The following DCLK1 variants were observed in gnomAD, a reference collection of about 807,000 sequenced individuals.
DCLK1 encodes the protein serine/threonine-protein kinase DCLK1.
Under a neutral mutation model 86.2 loss-of-function variants are expected in DCLK1, and 16 were observed. The observed-to-expected ratio is 0.19, with a 90% CI of 0.13 to 0.28. DCLK1 has a LOEUF of 0.28. Ranked by LOEUF, DCLK1 falls within the 10% of genes least tolerant of loss-of-function variation. The pLI, the probability that DCLK1 is intolerant of heterozygous loss-of-function variation, is 1.00. For synonymous variants in DCLK1, 369 were observed against 370.5 expected, an observed-to-expected ratio of 1.00 and a Z score of 0.05; for missense variants, 590 against 940.2, an observed-to-expected ratio of 0.63 and a Z score of 4.87.
At chr13:35,989,038 C>T (rs922008600) in intron 3 of DCLK1, among the ~76,000 whole-genome samples, 5 of 152,038 alleles carry the variant, frequency 3.3e-5, no homozygotes, top group African/African-American at 1.2e-4. Flanking sequence ...TGTAAATTTT[C>T]AGCAAACAAT....
At chr13:36,078,983 C>T (rs544532546) in intron 3 of DCLK1, among the ~76,000 whole-genome samples, 2 of 152,226 alleles carry the variant, frequency 1.3e-5, no homozygotes, top group South Asian at 4.2e-4. Context: ...AGAAAAGGAG[C>T]TCTGCAGTCA....
At chr13:36,073,429 C>T (rs1174227187) in intron 3 of DCLK1, among the ~76,000 whole-genome samples, 1 of 151,830 alleles carries the variant, frequency 6.6e-6, no homozygotes, top group African/African-American at 2.4e-5. Context: ...CTAGAGATAA[C>T]GAATATGAGG....
intron 14 of DCLK1, among the ~76,000 whole-genome samples, chr13:35,807,379 T>C (rs1045626809): frequency 1.3e-5 from 2 of 152,228 alleles, no homozygotes; most frequent in African/African-American, 2.4e-5. Flanking sequence ...GAACCTTGTG[T>C]TTTCCTCCCC....
Position 35,947,489 on chromosome 13 carries a change from G to T in DCLK1, c.724-32C>A, listed in dbSNP as rs544350116. The T allele has an allele frequency of 2.5e-5, 40 of 1,578,558 alleles. No homozygotes were observed. In the South Asian group the frequency reaches 3.1e-4, roughly 12 times the overall value. ...GAGAAAAGCATGGCACTCAGCAAGG[G>T]TGGTAGAACAGCAATTACAACAATG... On this transcript the variant is annotated intron_variant, in intron 3 of 16. Coordinates refer to ENST00000360631, the MANE Select transcript of DCLK1 (RefSeq NM_001330071.2).
At chr13:35,808,851 T>A (rs2087085651) in intron 13 of DCLK1, among the ~76,000 whole-genome samples, 167 bp downstream of exon 13, 1 of 151,186 alleles carries the variant, frequency 6.6e-6, no homozygotes, top group African/African-American at 2.4e-5. Flanking sequence ...ATGGAAGGCA[T>A]ATAAATTAGC....
At chr13:35,825,230 T>A (rs1430507899) in intron 10 of DCLK1, among the ~76,000 whole-genome samples, 2 of 152,166 alleles carry the variant, frequency 1.3e-5, no homozygotes, top group Admixed American at 1.3e-4. Flanking sequence ...CATGTCTCAG[T>A]GGAAAAGTCC....
At chr13:35,918,419 T>C (rs1479917752) in intron 4 of DCLK1, among the ~76,000 whole-genome samples, 2 of 152,160 alleles carry the variant, frequency 1.3e-5, no homozygotes, top group Non-Finnish European at 2.9e-5. Context: ...TATGTGACCA[T>C]GGAGAGTGTT....
rs10675684 is a variant in DCLK1 at position 35,896,538 on chromosome 13, CAAAAAAAAAA to C, written c.824-25208_824-25199del. On this transcript the variant is annotated intron_variant, in intron 4 of 16. Transcript: ENST00000360631. ...GGGCAACAAAAGCAAAATTCCACCTCAAAAAAAAAAAAAAAAAAAAAGTTAAAATATGCTG... is the reference window on the plus strand; with the variant it reads ...GGGCAACAAAAGCAAAATTCCACCTCAAAAAAAAAAAGTTAAAATATGCTG... Among the ~76,000 whole-genome samples the C allele has an allele frequency of 2.1e-4, 9 of 42,580 alleles. No homozygotes were observed. In the East Asian group the frequency reaches 6.4e-3, roughly 30 times the overall value. 27.9% of individuals were successfully genotyped at this position (42,580 alleles called of 152,430 possible).
chr13:35,800,017 T>C (rs1200543958), intron 15 of DCLK1, among the ~76,000 whole-genome samples: 1 of 152,254 alleles, frequency 6.6e-6, no homozygotes, highest in Non-Finnish European at 1.5e-5. Context: ...GCTGTGATGC[T>C]GGAGAAAGTA....
At position 36,072,125 on chromosome 13, in the gene DCLK1, C is replaced by T. The variant is rs1351372761; in HGVS notation, c.723+39744G>A. Among the ~76,000 whole-genome samples, 6 of 152,122 alleles carry T rather than the reference C, an allele frequency of 3.9e-5. No homozygotes were observed. In the East Asian group the frequency reaches 1.2e-3, roughly 29 times the overall value. ...TCAATTTCTCCTCTAATTTGTTTTC[C>T]TAAACTAGCTCCCTCACCTATTTCC... On this transcript the variant is annotated intron_variant, in intron 3 of 16. Transcript: ENST00000360631.
At chr13:35,826,454 C>G (rs1352223147) in intron 10 of DCLK1, among the ~76,000 whole-genome samples, 1 of 147,332 alleles carries the variant, frequency 6.8e-6, no homozygotes, top group Non-Finnish European at 1.5e-5. Context: ...ACCCAGGAGG[C>G]AGAGGTTGCC....
intron 3 of DCLK1, among the ~76,000 whole-genome samples, chr13:36,048,126 CATAAGT>C (rs1165211149): frequency 5.9e-5 from 9 of 152,082 alleles, no homozygotes; most frequent in African/African-American, 1.9e-4. Context: ...TGTTGTATAT[CATAAGT>C]ATAATTTCTG....
At chr13:36,089,934 C>T (rs150411975) in intron 3 of DCLK1, among the ~76,000 whole-genome samples, 246 of 152,292 alleles carry the variant, frequency 1.6e-3, no homozygotes, top group African/African-American at 5.7e-3. Flanking sequence ...ATTAACAAAT[C>T]TTAGTAATCC....
At chr13:35,822,461 A>G (rs1202280362) in intron 11 of DCLK1, among the ~76,000 whole-genome samples, 2 of 152,148 alleles carry the variant, frequency 1.3e-5, no homozygotes, top group Non-Finnish European at 2.9e-5. Flanking sequence ...TCCTAGCCCA[A>G]GGTGTTCAAT....
chr13:35,855,753 C>T (rs1458197784), intron 5 of DCLK1: 2 of 1,304,222 alleles, frequency 1.5e-6, no homozygotes, highest in African/African-American at 1.5e-5. Context: ...TCTTAGGCTA[C>T]ATCAAAGGTG....
At chr13:35,957,261 C>A (rs772559196) in intron 3 of DCLK1, among the ~76,000 whole-genome samples, 8 of 152,144 alleles carry the variant, frequency 5.3e-5, no homozygotes, top group Admixed American at 2.6e-4. Flanking sequence ...GAACCAAACC[C>A]AACCCATAAA....
At chr13:35,994,354 A>G (rs1241791646) in intron 3 of DCLK1, among the ~76,000 whole-genome samples, 3 of 152,210 alleles carry the variant, frequency 2.0e-5, no homozygotes, top group Non-Finnish European at 4.4e-5. Flanking sequence ...TTTCTTTTCT[A>G]GCTGTAAGCT....
intron 4 of DCLK1, among the ~76,000 whole-genome samples, chr13:35,878,414 G>A (rs1003979519): frequency 1.3e-5 from 2 of 151,918 alleles, no homozygotes; most frequent in African/African-American, 4.8e-5. Context: ...TGCCTGTGGG[G>A]TTTGAAATAA....
intron 4 of DCLK1, among the ~76,000 whole-genome samples, chr13:35,937,118 C>T (rs147576652): frequency 0.016 from 2,426 of 148,708 alleles, 73 homozygotes; most frequent in African/African-American, 0.056. Context: ...TACAGGCACC[C>T]GCCACCATGT....
Sources: allele counts gnomAD v4.1 joint callset (sites outside exome capture counted in the v4.1 genomes callset), GRCh38; gene constraint gnomAD v4.1.1; transcripts MANE v1.5; gene names NCBI Gene and HGNC (gene_info 2026-07-23, HGNC 2026-07-21).